MYH7B: variants seen among roughly 807,000 people sequenced by gnomAD.
MYH7B encodes the protein myosin heavy chain 7B, also known as myosin-7B.
A neutral mutation model predicts 234.5 loss-of-function variants in MYH7B; 205 were observed. The observed-to-expected ratio is 0.87, with a 90% confidence interval of 0.78 to 0.98. The LOEUF (loss-of-function observed/expected upper bound fraction) is 0.98, where lower values mean the gene tolerates loss of function less well. MYH7B is among the 50% of genes least tolerant of loss of function. The pLI, the probability that MYH7B is intolerant of heterozygous loss-of-function variation, is 0.00. For synonymous variants in MYH7B, 1,193 were observed against 1,105.0 expected, an observed-to-expected ratio of 1.08 and a Z score of -1.58; for missense variants, 2,652 against 2,633.4, an observed-to-expected ratio of 1.01 and a Z score of -0.15.
chr20:34,996,569 G>T (rs2082263193), intron 29 of MYH7B, 44 bp from the exon 30 acceptor site: 2 of 1,600,312 alleles, frequency 1.2e-6, no homozygotes, highest in African/African-American at 1.3e-5. Context: ...CGGGGTGCCG[G>T]CTGGCTTGGG....
intron 30 of MYH7B, 74 bp from the exon 31 acceptor site, chr20:34,996,991 AGGGCCTGAAGGGGACTGG>A (rs2082272038): frequency 1.3e-5 from 18 of 1,366,518 alleles, no homozygotes; most frequent in Non-Finnish European, 1.8e-5. Flanking sequence ...GAGGTCCCTC[AGGGCCTGAAGGGGACTGG>A]GGGGCGTTAT....
intron 2 of MYH7B, among the ~76,000 whole-genome samples, chr20:34,965,248 G>A (rs1361877171): frequency 6.6e-6 from 1 of 152,188 alleles, no homozygotes; most frequent in Non-Finnish European, 1.5e-5. Context: ...CAACTCTGAG[G>A]GTTTGCACAT....
At chr20:34,961,064 G>T (rs538451608) in intron 2 of MYH7B, among the ~76,000 whole-genome samples, 2 of 152,286 alleles carry the variant, frequency 1.3e-5, no homozygotes, top group East Asian at 3.9e-4. Context: ...CAAGGCTCCA[G>T]GGATCCTCAG....
Position 34,991,120 on chromosome 20 carries a change from CGG to C in MYH7B, c.2183_2183+1del. Reference sequence around the variant, plus strand: ...GTTGCTCTACACCGACTTCCGGCAGCGGTGGGTGACCCCTTCCCCCTGCCTGC... The same window carrying C: ...GTTGCTCTACACCGACTTCCGGCAGCTGGGTGACCCCTTCCCCCTGCCTGC... On this transcript the variant is annotated splice_donor_variant and coding_sequence_variant, in exon 24 of 45. Transcript: ENST00000262873. LOFTEE classifies it high-confidence loss of function. The C allele has an allele frequency of 6.2e-7, 1 of 1,600,244 alleles. No homozygotes were observed. The highest frequency in any genetic ancestry group is 8.5e-7 in the Non-Finnish European group (1 of 1,171,586).
intron 2 of MYH7B, among the ~76,000 whole-genome samples, chr20:34,968,100 A>T (rs1295482120): frequency 6.6e-6 from 1 of 152,182 alleles, no homozygotes; most frequent in Non-Finnish European, 1.5e-5. Context: ...ACCACATTAC[A>T]AGGTAGGTCT....
intron 2 of MYH7B, among the ~76,000 whole-genome samples, chr20:34,971,927 C>T (rs1244857773): frequency 6.6e-6 from 1 of 152,176 alleles, no homozygotes; most frequent in Non-Finnish European, 1.5e-5. Context: ...CCCTTTATGC[C>T]CCTGGTGGCC....
chr20:34,983,264 TTC>T (rs1387261118), intron 10 of MYH7B, among the ~76,000 whole-genome samples: 11 of 149,432 alleles, frequency 7.4e-5, no homozygotes, highest in African/African-American at 2.7e-4. Flanking sequence ...TTTCTTTCTT[TTC>T]TCTTTCTTTT....
At chr20:34,993,650 C>G (rs917013232) in intron 26 of MYH7B, among the ~76,000 whole-genome samples, 180 bp downstream of exon 26, 13 of 152,348 alleles carry the variant, frequency 8.5e-5, no homozygotes, top group African/African-American at 3.1e-4. Context: ...AAACGGGGTA[C>G]GGCACTTGCC....
At chr20:34,958,344 C>T (rs1009784707) in intron 2 of MYH7B, among the ~76,000 whole-genome samples, 132 bp downstream of exon 2, 7 of 152,186 alleles carry the variant, frequency 4.6e-5, no homozygotes, top group African/African-American at 1.7e-4. Context: ...TTCCAGGGAG[C>T]GTTTGCCCTT....
rs372152931 is a variant in MYH7B at position 34,999,829 on chromosome 20, C to G, written c.4704C>G (p.Ile1568Met). The G allele has an allele frequency of 1.2e-6, 2 of 1,611,848 alleles. No homozygotes were observed. Among genetic ancestry groups the G allele is most frequent in the Admixed American group, 1.7e-5 (1 of 59,738 alleles). The change falls in exon 38 of 45, where the codon ATC becomes ATG. Residue 1568 changes from isoleucine to methionine, a missense_variant. Physicochemically the swap from Ile to Met is conservative, Grantham distance 10. Coordinates refer to ENST00000262873, the Ensembl canonical transcript of MYH7B. Reference sequence around the variant, plus strand: ...TGGAGGAGACCAAGACGCTGCGGATCCAGCTGGAGCTCTCCCAGGTCAAAG... The same window carrying G: ...TGGAGGAGACCAAGACGCTGCGGATGCAGCTGGAGCTCTCCCAGGTCAAAG...
At chr20:34,957,214 C>A (rs1036984144) in intron 1 of MYH7B, among the ~76,000 whole-genome samples, 1 of 152,172 alleles carries the variant, frequency 6.6e-6, no homozygotes, top group South Asian at 2.1e-4. Flanking sequence ...ACGCCAGTTC[C>A]ACTGAGCAAC....
chr20:34,973,997 T>G (rs1019095959), intron 2 of MYH7B, among the ~76,000 whole-genome samples: 1 of 150,966 alleles, frequency 6.6e-6, no homozygotes, highest in Non-Finnish European at 1.5e-5. Context: ...CGATCTCGGC[T>G]CACTGCAACC....
intron 8 of MYH7B, 35 bp downstream of exon 8, chr20:34,980,769 C>A: frequency 1.2e-6 from 2 of 1,602,648 alleles, no homozygotes; most frequent in South Asian, 2.2e-5. Context: ...CAACCGCAGA[C>A]CCCGACCTCG....
At chr20:34,956,118 G>T (rs35409039) in intron 1 of MYH7B, 111 bp downstream of exon 1, 1 of 152,296 alleles carries the variant, frequency 6.6e-6, no homozygotes, top group Non-Finnish European at 1.5e-5. Flanking sequence ...TGATAAGGGT[G>T]GGGGTGGCCG....
intron 2 of MYH7B, among the ~76,000 whole-genome samples, chr20:34,967,227 T>TA (rs892948509): frequency 3.4e-4 from 49 of 144,418 alleles, no homozygotes; most frequent in Middle Eastern, 3.5e-3. Flanking sequence ...AGACTCCATC[T>TA]AAAAAAAAAA....
chr20:34,994,708 C>T (rs1159192582), intron 27 of MYH7B, among the ~76,000 whole-genome samples: 2 of 152,230 alleles, frequency 1.3e-5, no homozygotes, highest in Non-Finnish European at 2.9e-5. Flanking sequence ...GGTTAAGGGC[C>T]ATGGGAACCC....
chr20:34,994,429 G>A (rs1331410206), intron 27 of MYH7B, 28 bp downstream of exon 27: 27 of 1,542,878 alleles, frequency 1.7e-5, no homozygotes, highest in Non-Finnish European at 2.3e-5. Flanking sequence ...TTGTGACCGG[G>A]CGTCCCCAGC....
At chr20:34,980,834 T>G in intron 8 of MYH7B, 100 bp downstream of exon 8, 1 of 1,534,140 alleles carries the variant, frequency 6.5e-7, no homozygotes, top group Non-Finnish European at 8.9e-7. Flanking sequence ...TGCCCCCCTT[T>G]TGACGCTGCT....
chr20:34,965,126 A>C (rs1203852929), intron 2 of MYH7B, among the ~76,000 whole-genome samples: 1 of 152,194 alleles, frequency 6.6e-6, no homozygotes, highest in Non-Finnish European at 1.5e-5. Context: ...TCCTGGCCTC[A>C]AGTGACCCTC....
Sources: gnomAD v4.1 joint callset for allele counts (sites outside exome capture counted in the v4.1 genomes callset) on GRCh38, gnomAD v4.1.1 for gene constraint, MANE v1.5 for transcripts, NCBI Gene and HGNC (gene_info 2026-07-23, HGNC 2026-07-21) for gene names.